CALN1: variants seen among roughly 807,000 people sequenced by gnomAD.
The protein encoded by CALN1 is calcium-binding protein 8.
In CALN1, 17 loss-of-function variants were observed where a neutral mutation model predicts 30.6. That is an observed-to-expected ratio of 0.56 (90% confidence interval 0.38 to 0.83). CALN1 has a LOEUF of 0.83. CALN1 is among the 40% of genes least tolerant of loss of function. The pLI is 0.00. For missense variants in CALN1, 291 were observed against 354.9 expected (o/e 0.82, Z 1.45); for synonymous variants, 156 against 131.4 (o/e 1.19, Z -1.28).
chr7:72,336,344 G>A (rs1449048697), intron 2 of CALN1, among the ~76,000 whole-genome samples: 4 of 152,152 alleles, frequency 2.6e-5, no homozygotes, highest in African/African-American at 9.6e-5. Context: ...GGGGCGCGCA[G>A]CCTGGTGGCC....
At chr7:71,863,386 C>T (rs1323484369) in intron 5 of CALN1, among the ~76,000 whole-genome samples, 7 of 151,632 alleles carry the variant, frequency 4.6e-5, no homozygotes, top group Non-Finnish European at 7.4e-5. Flanking sequence ...GGTGAAACCT[C>T]GACTCTACTA....
intron 3 of CALN1, among the ~76,000 whole-genome samples, chr7:72,156,939 G>A (rs182935324): frequency 6.6e-6 from 1 of 152,312 alleles, no homozygotes; most frequent in African/African-American, 2.4e-5. Flanking sequence ...GTGTTGAGAG[G>A]ATGCCAGGAT....
chr7:72,385,848 TC>T (rs1805180346), intron 2 of CALN1, among the ~76,000 whole-genome samples: 1 of 152,208 alleles, frequency 6.6e-6, no homozygotes, highest in African/African-American at 2.4e-5. Flanking sequence ...ACTGTAACTT[TC>T]CTGAGGCCTC....
chr7:72,151,902 A>G (rs1787279543), intron 3 of CALN1, among the ~76,000 whole-genome samples: 1 of 133,030 alleles, frequency 7.5e-6, no homozygotes. Flanking sequence ...TTTTATTTTT[A>G]TTCTTTTCTT....
At chr7:72,284,386 T>C (rs1208165012) in intron 2 of CALN1, among the ~76,000 whole-genome samples, 1 of 152,198 alleles carries the variant, frequency 6.6e-6, no homozygotes, top group Non-Finnish European at 1.5e-5. Flanking sequence ...ATGTGTCAAC[T>C]TGACTGGGCC....
chr7:72,470,459 G>C, the CALN1 span, among the ~76,000 whole-genome samples: 2 of 152,124 alleles, frequency 1.3e-5, no homozygotes, highest in Admixed American at 1.3e-4. Flanking sequence ...ACTTTGAGAT[G>C]ATCATGGAAG....
At chr7:72,201,737 T>TTAA (rs1229060738) in intron 3 of CALN1, among the ~76,000 whole-genome samples, 11 of 117,860 alleles carry the variant, frequency 9.3e-5, no homozygotes, top group Non-Finnish European at 1.8e-4. Flanking sequence ...TGAATCTGAT[T>TTAA]AAAAAAAAAA....
At chr7:72,069,404 G>T (rs1804240304) in intron 4 of CALN1, among the ~76,000 whole-genome samples, 1 of 152,158 alleles carries the variant, frequency 6.6e-6, no homozygotes, top group African/African-American at 2.4e-5. Flanking sequence ...TCACAGTTCT[G>T]GAGGCCAGAA....
At chr7:72,191,356 C>A (rs1790585942) in intron 3 of CALN1, among the ~76,000 whole-genome samples, 1 of 152,000 alleles carries the variant, frequency 6.6e-6, no homozygotes. Flanking sequence ...AATTTCCACA[C>A]TTTGGGAGGG....
intron 3 of CALN1, among the ~76,000 whole-genome samples, chr7:72,149,468 A>G (rs1046004073): frequency 3.3e-5 from 5 of 152,124 alleles, no homozygotes; most frequent in African/African-American, 1.2e-4. Flanking sequence ...CTGTGTCTCC[A>G]AAATAAATAA....
At chr7:72,152,706 CGA>C (rs1022452683) in intron 3 of CALN1, among the ~76,000 whole-genome samples, 1 of 152,056 alleles carries the variant, frequency 6.6e-6, no homozygotes, top group Non-Finnish European at 1.5e-5. Context: ...AGCTACCAGC[CGA>C]GAGAGAGGCA....
chr7:72,442,263 G>A (rs1808371833), intron 1 of CALN1, among the ~76,000 whole-genome samples: 1 of 152,144 alleles, frequency 6.6e-6, no homozygotes, highest in South Asian at 2.1e-4. Context: ...ACACAGCAGT[G>A]AGGAGGATCA....
intron 5 of CALN1, among the ~76,000 whole-genome samples, chr7:71,929,541 T>C (rs1373879542): frequency 1.3e-5 from 2 of 152,252 alleles, no homozygotes; most frequent in East Asian, 1.9e-4. Context: ...CTACCATTGA[T>C]GGGCATGTAG....
intron 3 of CALN1, among the ~76,000 whole-genome samples, chr7:72,113,151 C>T (rs146008278): frequency 2.0e-4 from 31 of 152,184 alleles, no homozygotes; most frequent in African/African-American, 7.5e-4. Flanking sequence ...GGAGGTGGAG[C>T]CTAATGGGAG....
At chr7:71,943,375 G>A (rs10227914) in intron 5 of CALN1, among the ~76,000 whole-genome samples, 24,387 of 152,156 alleles carry the variant, frequency 0.16, 1,982 homozygotes, top group Middle Eastern at 0.2. Context: ...CTAAATGCAT[G>A]ATCTTGGGAA....
chr7:71,877,805 C>T (rs749654052), intron 5 of CALN1, among the ~76,000 whole-genome samples: 1 of 152,092 alleles, frequency 6.6e-6, no homozygotes, highest in African/African-American at 2.4e-5. Flanking sequence ...TTTGAAAGAA[C>T]AAATACATGC....
chr7:72,317,599 G>A (rs1051354304), intron 2 of CALN1, among the ~76,000 whole-genome samples: 3 of 152,154 alleles, frequency 2.0e-5, no homozygotes, highest in Non-Finnish European at 2.9e-5. Flanking sequence ...ACCACAGGGC[G>A]AACTGGGCTG....
intron 3 of CALN1, among the ~76,000 whole-genome samples, chr7:72,208,672 G>A (rs1012465249): frequency 3.9e-5 from 6 of 152,022 alleles, no homozygotes; most frequent in African/African-American, 1.4e-4. Flanking sequence ...TTTTTTAATG[G>A]ATGTATATTA....
chr7:72,350,657 A>T (rs1802874063), intron 2 of CALN1, among the ~76,000 whole-genome samples: 1 of 152,210 alleles, frequency 6.6e-6, no homozygotes, highest in East Asian at 1.9e-4. Context: ...GTTGAGGATC[A>T]GAAAACTACC....
Sources: allele counts gnomAD v4.1 joint callset (sites outside exome capture counted in the v4.1 genomes callset), GRCh38; gene constraint gnomAD v4.1.1; transcripts MANE v1.5; gene names NCBI Gene and HGNC (gene_info 2026-07-23, HGNC 2026-07-21).